The following RYR3 variants were observed in gnomAD, a reference collection of about 807,000 sequenced individuals.
RYR3 encodes brain ryanodine receptor-calcium release channel.
In RYR3, 207 loss-of-function variants were observed where a neutral mutation model predicts 584.3. The ratio of observed to expected loss-of-function variants is 0.35; its 90% CI spans 0.32 to 0.40. The LOEUF (loss-of-function observed/expected upper bound fraction) is 0.40. RYR3 is among the 10% of genes least tolerant of loss of function. RYR3 has a pLI of 1.00. For synonymous variants in RYR3, 2,416 were observed against 2,248.5 expected (o/e 1.07, Z -2.11); for missense variants, 5,616 against 6,089.2 (o/e 0.92, Z 2.59).
intron 68 of RYR3, 77 bp from the exon 69 acceptor site, chr15:33,801,792 T>C: frequency 1.3e-6 from 1 of 753,056 alleles, no homozygotes; most frequent in Non-Finnish European, 2.3e-6. Context: ...ATTCCGTTAC[T>C]TGGGGAGCTT....
chr15:33,342,612 G>T (rs994442000), intron 1 of RYR3, among the ~76,000 whole-genome samples: 25 of 67,224 alleles, frequency 3.7e-4, no homozygotes, highest in Admixed American at 2.7e-3. Context: ...AATCAATCTT[G>T]TTTGTTATAA....
At chr15:33,703,207 A>G (rs2066434035) in intron 42 of RYR3, among the ~76,000 whole-genome samples, 2 of 152,202 alleles carry the variant, frequency 1.3e-5, no homozygotes, top group Non-Finnish European at 1.5e-5. Context: ...TTCAACTGAT[A>G]ATTACTGAGG....
intron 80 of RYR3, 58 bp from the exon 81 acceptor site, chr15:33,822,938 G>T (rs751756189): frequency 9.1e-6 from 13 of 1,431,132 alleles, no homozygotes; most frequent in Non-Finnish European, 1.3e-5. Context: ...GATTAGGAGG[G>T]TCAGCTCTGT....
chr15:33,544,344 T>TA (rs5811769), intron 8 of RYR3, among the ~76,000 whole-genome samples: 4,394 of 150,544 alleles, frequency 0.029, 207 homozygotes, highest in African/African-American at 0.1. Flanking sequence ...ATCTGATATT[T>TA]AAAAAAAAAA....
intron 1 of RYR3, among the ~76,000 whole-genome samples, chr15:33,417,965 A>C (rs777550679): frequency 2.5e-4 from 38 of 152,060 alleles, no homozygotes; most frequent in Non-Finnish European, 3.8e-4. Flanking sequence ...AATTCTACTT[A>C]TGTGGTGAAT....
chr15:33,313,378 A>C (rs1256394146), intron 1 of RYR3, among the ~76,000 whole-genome samples: 1 of 152,222 alleles, frequency 6.6e-6, no homozygotes, highest in Non-Finnish European at 1.5e-5. Flanking sequence ...TTAAGAATAT[A>C]CCTAAGAACA....
chr15:33,528,277 C>G (rs2054565123), intron 3 of RYR3, among the ~76,000 whole-genome samples: 1 of 152,132 alleles, frequency 6.6e-6, no homozygotes, highest in African/African-American at 2.4e-5. Context: ...CACCTACATC[C>G]TGTGTCATGT....
At chr15:33,453,934 T>C (rs1292005444) in intron 1 of RYR3, among the ~76,000 whole-genome samples, 1 of 152,156 alleles carries the variant, frequency 6.6e-6, no homozygotes, top group Non-Finnish European at 1.5e-5. Flanking sequence ...ATCCAGCGGG[T>C]AAATGATTGA....
intron 11 of RYR3, among the ~76,000 whole-genome samples, chr15:33,566,286 T>C (rs1215719677): frequency 2.6e-5 from 4 of 152,218 alleles, no homozygotes; most frequent in African/African-American, 4.8e-5. Context: ...TGTCTTTTTC[T>C]TCAATTCATC....
Position 33,607,942 on chromosome 15 carries a change from T to G in RYR3, c.2164+4578T>G, listed in dbSNP as rs73371904. Among the ~76,000 whole-genome samples the G allele has an allele frequency of 4.4e-3, 676 of 152,288 alleles. 4 individuals carry two copies. Among genetic ancestry groups the G allele is most frequent in the African/African-American group, 0.016 (655 of 41,554 alleles). On this transcript the variant is annotated intron_variant, in intron 18 of 103. Coordinates refer to ENST00000634891, the MANE Select transcript of RYR3 (RefSeq NM_001036.6). ...TAGACGTTATTCCTGTTTGACAGATTAGGTAACTTGAGTCCACAAAGGTAA... is the reference window on the plus strand; with the variant it reads ...TAGACGTTATTCCTGTTTGACAGATGAGGTAACTTGAGTCCACAAAGGTAA...
intron 94 of RYR3, chr15:33,851,106 T>A (rs940947894): frequency 6.6e-6 from 1 of 152,232 alleles, no homozygotes; most frequent in Non-Finnish European, 1.5e-5. Context: ...TGTAGCATTT[T>A]CCATTATGTA....
intron 1 of RYR3, chr15:33,465,803 G>T (rs2048440932): frequency 3.9e-6 from 2 of 518,700 alleles, no homozygotes. Context: ...AAAGTAGAAT[G>T]AGAAGAATTT....
intron 38 of RYR3, among the ~76,000 whole-genome samples, chr15:33,680,630 T>C (rs1259258678): frequency 6.6e-6 from 1 of 152,190 alleles, no homozygotes; most frequent in Non-Finnish European, 1.5e-5. Flanking sequence ...TGTACCAGAG[T>C]GTGACCTAGA....
At position 33,633,053 on chromosome 15, in the gene RYR3, A is replaced by G; in HGVS notation, c.2972A>G (p.His991Arg). The G allele has an allele frequency of 6.2e-7, 1 of 1,614,074 alleles. No homozygotes were observed. The highest frequency in any genetic ancestry group is 8.5e-7 in the Non-Finnish European group (1 of 1,179,890). ...GTGGATAAGCTTGCAGAAAATGCAC[A>G]CAATGTTTGGGCAAAAGACAGAATA... ...ILVDKLAENAHNVWAKDRIKQ... is the reference protein window; with the variant it reads ...ILVDKLAENARNVWAKDRIKQ... The change falls in exon 24 of 104, where the codon CAC becomes CGC. Residue 991 changes from histidine to arginine, a missense_variant. Around this residue, in one of 9 missense-constraint regions of RYR3, gnomAD observed 1,284 missense variants for 1,344.6 expected, o/e 0.95. Coordinates refer to ENST00000634891, the MANE Select transcript of RYR3 (RefSeq NM_001036.6).
intron 2 of RYR3, among the ~76,000 whole-genome samples, chr15:33,481,267 A>G (rs2049940745): frequency 6.6e-6 from 1 of 152,118 alleles, no homozygotes; most frequent in African/African-American, 2.4e-5. Context: ...CCATTTTACA[A>G]TCTCTGGTGT....
intron 1 of RYR3, among the ~76,000 whole-genome samples, chr15:33,420,018 T>C (rs927660083): frequency 6.6e-6 from 1 of 152,172 alleles, no homozygotes; most frequent in Non-Finnish European, 1.5e-5. Flanking sequence ...AGAGTCTTCC[T>C]CTCCACCAGC....
intron 1 of RYR3, among the ~76,000 whole-genome samples, chr15:33,409,364 A>G (rs1596014067): frequency 6.6e-6 from 1 of 151,734 alleles, no homozygotes; most frequent in Non-Finnish European, 1.5e-5. Flanking sequence ...AAAAAAAAGA[A>G]AAAAGGCCTT....
rs1256119579 is a variant in RYR3 at position 33,739,890 on chromosome 15, C to G, written c.7715C>G (p.Ala2572Gly). The change falls in exon 51 of 104, where the codon GCC becomes GGC. Residue 2572 changes from alanine (A) to glycine (G), a missense_variant. Physicochemically the swap from Ala to Gly is moderately conservative, Grantham distance 60. This residue lies in a region of RYR3 where 1,280 missense variants were observed against 1,426.2 expected (regional missense o/e 0.90). Transcript: ENST00000634891. The part of the protein sequence containing the change: ...ALPCLSAIAG[A>G]LPPDYLDTRI... ...CCTTGTCTCAGTGCTATAGCTGGGG[C>G]CTTGCCACCAGATTATTTAGATACC... 6.2e-7 allele frequency: 1 copy of G among 1,613,440 alleles called. No homozygotes were observed. Among genetic ancestry groups the G allele is most frequent in the South Asian group, 1.1e-5 (1 of 90,980 alleles).
chr15:33,542,106 C>A (rs920316950), intron 7 of RYR3, among the ~76,000 whole-genome samples: 1 of 152,152 alleles, frequency 6.6e-6, no homozygotes, highest in African/African-American at 2.4e-5. Flanking sequence ...GTCTGGATAA[C>A]TCATCACTTG....
Sources: gnomAD v4.1 joint callset for allele counts (sites outside exome capture counted in the v4.1 genomes callset) on GRCh38, gnomAD v4.1.1 for gene constraint, gnomAD v4.1.1 regional missense constraint, MANE v1.5 for transcripts, NCBI Gene and HGNC (gene_info 2026-07-23, HGNC 2026-07-21) for gene names.